Variants in CBLB observed in about 807,000 individuals in gnomAD.
CBLB encodes the protein E3 ubiquitin-protein ligase CBL-B.
CBLB carries 31 observed loss-of-function variants against 104.9 expected under a neutral mutation model. The observed-to-expected ratio is 0.30, with a 90% CI of 0.22 to 0.40. The LOEUF (loss-of-function observed/expected upper bound fraction) is 0.40, where lower values mean the gene tolerates loss of function less well. CBLB is among the 10% of genes least tolerant of loss of function. The pLI is 1.00. For missense variants in CBLB, 1,062 were observed against 1,214.6 expected (o/e 0.87, Z 1.87); for synonymous variants, 440 against 422.6 (o/e 1.04, Z -0.51).
chr3:105,670,378 T>G (rs987898673), intron 17 of CBLB, 26 bp from the exon 18 acceptor site: 1 of 1,598,046 alleles, frequency 6.3e-7, no homozygotes, highest in Non-Finnish European at 8.6e-7. Context: ...AAGTTTCAAA[T>G]TAAAAGGATG....
chr3:105,781,822 C>T (rs981035707), intron 3 of CBLB, among the ~76,000 whole-genome samples: 1 of 151,952 alleles, frequency 6.6e-6, no homozygotes, highest in Admixed American at 6.6e-5. Flanking sequence ...ATACTTTTAC[C>T]CAAAAACTAT....
Position 105,670,296 on chromosome 3 carries a change from G to T in CBLB, c.2626C>A (p.Pro876Thr). ...CTGTTAGTTTTGACATTTTCACCTG[G>T]TAACCTTCTAGCAGGAGGCAAAGGA... The part of the protein sequence containing the change: ...QVPLPPARRL[P>T]GENVKTNRTS... Residue 876 changes from proline (P) to threonine (T), a missense_variant, in exon 18 of 19, where the codon CCA becomes ACA. Physicochemically the swap from Pro to Thr is conservative, Grantham distance 38. Coordinates refer to ENST00000394030, the MANE Select transcript of CBLB (RefSeq NM_170662.5). The T allele has an allele frequency of 1.2e-6, 2 of 1,610,668 alleles. No individual in the cohort carries two copies. Among genetic ancestry groups the T allele is most frequent in the Non-Finnish European group, 1.7e-6 (2 of 1,177,074 alleles).
At chr3:105,668,806 C>G (rs1194327629) in intron 18 of CBLB, among the ~76,000 whole-genome samples, 1 of 152,126 alleles carries the variant, frequency 6.6e-6, no homozygotes, top group East Asian at 1.9e-4. Flanking sequence ...CACGTAAGAA[C>G]TACCGTACTG....
intron 3 of CBLB, among the ~76,000 whole-genome samples, chr3:105,838,785 G>A (rs1278981965): frequency 2.0e-5 from 3 of 151,242 alleles, no homozygotes; most frequent in Non-Finnish European, 4.4e-5. Flanking sequence ...GATTACAGGC[G>A]CATGCCACCA....
At chr3:105,790,275 G>C (rs1184858995) in intron 3 of CBLB, among the ~76,000 whole-genome samples, 1 of 152,182 alleles carries the variant, frequency 6.6e-6, no homozygotes, top group East Asian at 1.9e-4. Context: ...AGAGGAAAAA[G>C]TGCTACAAAT....
chr3:105,682,380 G>A (rs1408462035), intron 14 of CBLB, among the ~76,000 whole-genome samples: 1 of 152,136 alleles, frequency 6.6e-6, no homozygotes, highest in Non-Finnish European at 1.5e-5. Context: ...CCACTGCCAA[G>A]AACAAAATTC....
chr3:105,861,641 T>C (rs565031481), intron 2 of CBLB, among the ~76,000 whole-genome samples: 10 of 151,392 alleles, frequency 6.6e-5, no homozygotes, highest in Non-Finnish European at 1.3e-4. Flanking sequence ...ATCTTTTTTT[T>C]TTCCCACCAA....
In CBLB at chr3:105,786,061, C is replaced by CGGTG. The variant is rs1553794621; in HGVS notation, c.420-9520_420-9519insCACC. On this transcript the variant is annotated intron_variant, in intron 3 of 18. Coordinates refer to ENST00000394030, the MANE Select transcript of CBLB (RefSeq NM_170662.5). ...CACACATAACACTGTGTGAGAGGAT[C>CGGTG]GGGGGGGGGAAAGTGGGTAAAATGA... is the stretch of plus-strand genomic sequence containing the variant. 5.1e-5 allele frequency among the ~76,000 whole-genome samples: 4 copies of CGGTG among 79,200 alleles called. No homozygotes were observed. The East Asian group carries it at 8.9e-4, about 18-fold the overall frequency. 52.0% of individuals were successfully genotyped at this position (79,200 alleles called of 152,430 possible). A position where few individuals can be genotyped will look rare whatever the true frequency, so the allele number is the denominator to read the frequency against.
At position 105,832,027 on chromosome 3, in the gene CBLB, T is replaced by TA. The variant is rs952271712; in HGVS notation, c.419+21386dup. Among the ~76,000 whole-genome samples the TA allele has an allele frequency of 5.2e-4, 79 of 151,728 alleles. 1 individual carries two copies. Among genetic ancestry groups the TA allele is most frequent in the Non-Finnish European group, 8.7e-4 (59 of 67,890 alleles). On this transcript the variant is annotated intron_variant, in intron 3 of 18. Coordinates refer to ENST00000394030, the MANE Select transcript of CBLB (RefSeq NM_170662.5). ...TTCAGGTTGATACAACAGGAAATTT[T>TA]AAAAAAAAATTTAATTATATTAAAT...
chr3:105,840,817 T>C (rs1560484683), intron 3 of CBLB, among the ~76,000 whole-genome samples: 1 of 151,736 alleles, frequency 6.6e-6, no homozygotes, highest in Non-Finnish European at 1.5e-5. Context: ...ATTATTTGGG[T>C]CTAAACCTAA....
chr3:105,761,226 T>A (rs2077592751), intron 4 of CBLB, among the ~76,000 whole-genome samples: 2 of 152,130 alleles, frequency 1.3e-5, no homozygotes, highest in South Asian at 2.1e-4. Flanking sequence ...AGAGACAGAG[T>A]TATGCCATGT....
At chr3:105,844,823 C>G (rs565413528) in intron 3 of CBLB, among the ~76,000 whole-genome samples, 5 of 152,094 alleles carry the variant, frequency 3.3e-5, no homozygotes, top group Non-Finnish European at 7.4e-5. Context: ...GGGCTAGATT[C>G]CAAGCACTCT....
At chr3:105,776,591 G>A in intron 3 of CBLB, 49 bp from the exon 4 acceptor site, 2 of 1,511,992 alleles carry the variant, frequency 1.3e-6, no homozygotes, top group Non-Finnish European at 1.8e-6. Flanking sequence ...ACACCTAGAT[G>A]CATGCAAATT....
chr3:105,708,414 T>C (rs1430211416), intron 10 of CBLB, among the ~76,000 whole-genome samples: 3 of 152,076 alleles, frequency 2.0e-5, no homozygotes, highest in Admixed American at 1.3e-4. Context: ...GGTAGAAAAG[T>C]AGCAAAGGAT....
At chr3:105,796,290 C>T (rs1360972966) in intron 3 of CBLB, among the ~76,000 whole-genome samples, 2 of 152,066 alleles carry the variant, frequency 1.3e-5, no homozygotes, top group East Asian at 1.9e-4. Context: ...AATAGTACCT[C>T]ACACCTACAA....
chr3:105,809,738 G>A (rs1046659782), intron 3 of CBLB, among the ~76,000 whole-genome samples: 2 of 152,172 alleles, frequency 1.3e-5, no homozygotes, highest in African/African-American at 4.8e-5. Context: ...ACAAATCCTG[G>A]TTGGTTATCT....
At chr3:105,859,919 G>T (rs1019063329) in intron 2 of CBLB, among the ~76,000 whole-genome samples, 3 of 152,100 alleles carry the variant, frequency 2.0e-5, no homozygotes, top group African/African-American at 7.2e-5. Flanking sequence ...ATTATTAATT[G>T]GGCAAAACAA....
At chr3:105,733,453 G>A (rs751647515) in intron 9 of CBLB, among the ~76,000 whole-genome samples, 10 of 151,996 alleles carry the variant, frequency 6.6e-5, no homozygotes, top group African/African-American at 1.2e-4. Flanking sequence ...GAATGCCTGC[G>A]GCAGATGGGA....
At position 105,811,715 on chromosome 3, in the gene CBLB, T is replaced by C. The variant is rs543586704; in HGVS notation, c.420-35173A>G. ...CTACAACCCTACGAAAATTACTTCC[T>C]TTTTTTTTTTTGAGACGGAGTTTCA... is the stretch of plus-strand genomic sequence containing the variant. On this transcript the variant is annotated intron_variant, in intron 3 of 18. Coordinates refer to ENST00000394030, the MANE Select transcript of CBLB (RefSeq NM_170662.5). Among the ~76,000 whole-genome samples the C allele has an allele frequency of 2.3e-3, 340 of 146,428 alleles. 2 individuals are homozygous for C. Among genetic ancestry groups the C allele is most frequent in the African/African-American group, 8.2e-3 (330 of 40,378 alleles).
Sources: gnomAD v4.1 joint callset for allele counts (sites outside exome capture counted in the v4.1 genomes callset) on GRCh38, gnomAD v4.1.1 for gene constraint, MANE v1.5 for transcripts, NCBI Gene and HGNC (gene_info 2026-07-23, HGNC 2026-07-21) for gene names.